AGMO: variants seen among roughly 807,000 people sequenced by gnomAD.
The protein encoded by AGMO is glyceryl-ether monooxygenase.
AGMO carries 75 observed loss-of-function variants against 60.2 expected under a neutral mutation model. That is an observed-to-expected ratio of 1.25 (90% CI 1.03 to 1.51). AGMO has a LOEUF of 1.51. AGMO is among the 40% of genes most tolerant of loss of function. The pLI is 0.00. For missense variants in AGMO, 763 were observed against 525.5 expected (o/e 1.45, Z -4.42); for synonymous variants, 261 against 177.1 (o/e 1.47, Z -3.76).
At chr7:15,431,790 T>C (rs1159623923) in intron 3 of AGMO, among the ~76,000 whole-genome samples, 1 of 151,804 alleles carries the variant, frequency 6.6e-6, no homozygotes, top group African/African-American at 2.4e-5. Flanking sequence ...AAAATGATTG[T>C]TGTTTATTTT....
chr7:15,154,623 T>A, the AGMO span, among the ~76,000 whole-genome samples: 2 of 152,214 alleles, frequency 1.3e-5, no homozygotes, highest in Admixed American at 1.3e-4. Context: ...TCTTGATATG[T>A]GAAGATTTGA....
chr7:15,353,160 G>A (rs962696362), intron 12 of AGMO, among the ~76,000 whole-genome samples: 2 of 152,138 alleles, frequency 1.3e-5, no homozygotes, highest in Admixed American at 1.3e-4. Context: ...TAACTTCTTA[G>A]GAGTAAATGA....
At chr7:15,456,863 G>C (rs1229918046) in intron 3 of AGMO, among the ~76,000 whole-genome samples, 2 of 152,110 alleles carry the variant, frequency 1.3e-5, no homozygotes, top group East Asian at 3.9e-4. Context: ...AGCTTTCAAA[G>C]TTTTGTTGCA....
intron 12 of AGMO, among the ~76,000 whole-genome samples, chr7:15,211,062 G>GA (rs200743957): frequency 0.026 from 3,885 of 150,514 alleles, 139 homozygotes; most frequent in African/African-American, 0.085. Context: ...TAAAACAAAA[G>GA]AAAAAAAAAC....
chr7:15,412,742 G>A (rs983184065), intron 5 of AGMO, among the ~76,000 whole-genome samples: 4 of 145,272 alleles, frequency 2.8e-5, no homozygotes, highest in Non-Finnish European at 4.5e-5. Flanking sequence ...GATCACCAAG[G>A]ATAAGGAATA....
chr7:15,347,285 A>G (rs937377969), intron 12 of AGMO, among the ~76,000 whole-genome samples: 1 of 152,098 alleles, frequency 6.6e-6, no homozygotes, highest in Non-Finnish European at 1.5e-5. Flanking sequence ...ACTGGCCAAC[A>G]AACTTAACCT....
At chr7:15,394,034 G>T in intron 6 of AGMO, 79 bp downstream of exon 6, 2 of 1,019,696 alleles carry the variant, frequency 2.0e-6, no homozygotes, top group Non-Finnish European at 3.0e-6. Flanking sequence ...GGGAAATTGT[G>T]ATTAAATGAG....
intron 3 of AGMO, among the ~76,000 whole-genome samples, chr7:15,517,543 T>G (rs994323476): frequency 3.3e-5 from 5 of 151,274 alleles, no homozygotes; most frequent in Admixed American, 2.6e-4. Context: ...GGGCATCGCC[T>G]CACCCGGGAA....
At chr7:15,457,932 A>C (rs567322894) in intron 3 of AGMO, among the ~76,000 whole-genome samples, 1 of 152,312 alleles carries the variant, frequency 6.6e-6, no homozygotes, top group African/African-American at 2.4e-5. Flanking sequence ...TTCCAATTAT[A>C]AATTATATGA....
intron 3 of AGMO, among the ~76,000 whole-genome samples, chr7:15,488,314 A>C (rs1782974380): frequency 6.6e-6 from 1 of 152,208 alleles, no homozygotes; most frequent in South Asian, 2.1e-4. Flanking sequence ...TCTACTCATT[A>C]ATCATTCACA....
chr7:15,417,510 T>C (rs907809488), intron 5 of AGMO, among the ~76,000 whole-genome samples: 15 of 152,164 alleles, frequency 9.9e-5, no homozygotes, highest in African/African-American at 3.1e-4. Flanking sequence ...AAAGCTTCCC[T>C]CCACTGATTT....
chr7:15,332,173 T>C lies in AGMO; in HGVS notation c.1263+33341A>G, dbSNP rs1404067163. ...GCAAAAAATAAACTTACAATCGTGT[T>C]AAGCCAGTAATACTCTGGAGTTTAT... On this transcript the variant is annotated intron_variant, in intron 12 of 12. Coordinates refer to ENST00000342526, the MANE Select transcript of AGMO (RefSeq NM_001004320.2). Among the ~76,000 whole-genome samples, 4 of 152,170 alleles carry C rather than the reference T, an allele frequency of 2.6e-5. No homozygotes were observed. In the East Asian group the frequency reaches 7.7e-4, roughly 29 times the overall value.
intron 2 of AGMO, among the ~76,000 whole-genome samples, chr7:15,549,764 A>G (rs1784892090): frequency 6.6e-6 from 1 of 151,720 alleles, no homozygotes; most frequent in African/African-American, 2.4e-5. Flanking sequence ...TCAACGAGAC[A>G]GAAAGTCAAC....
intron 3 of AGMO, among the ~76,000 whole-genome samples, chr7:15,507,733 A>G (rs1000674404): frequency 5.9e-5 from 9 of 152,134 alleles, no homozygotes. Context: ...ATGTTTTTTA[A>G]ACATTTTTAC....
At chr7:15,420,727 A>C (rs1230904741) in intron 4 of AGMO, among the ~76,000 whole-genome samples, 1 of 152,162 alleles carries the variant, frequency 6.6e-6, no homozygotes, top group Admixed American at 6.6e-5. Context: ...TATGGTACTA[A>C]GTTAACTGAA....
chr7:15,170,314 G>C, the AGMO span, among the ~76,000 whole-genome samples: 1 of 152,136 alleles, frequency 6.6e-6, no homozygotes, highest in African/African-American at 2.4e-5. Context: ...TCTGTAGCTT[G>C]TATTTAATAG....
At chr7:15,448,300 A>T (rs1238390540) in intron 3 of AGMO, among the ~76,000 whole-genome samples, 2 of 152,156 alleles carry the variant, frequency 1.3e-5, no homozygotes, top group Non-Finnish European at 2.9e-5. Context: ...GTGCCCTTCT[A>T]AAAGAGACTC....
At chr7:15,552,506 T>C (rs376413922) in intron 2 of AGMO, among the ~76,000 whole-genome samples, 14 of 148,912 alleles carry the variant, frequency 9.4e-5, no homozygotes, top group African/African-American at 2.5e-4. Flanking sequence ...AAAAAGTGGG[T>C]GAAGGACATG....
chr7:15,189,485 A>G, the AGMO span, among the ~76,000 whole-genome samples: 1 of 152,160 alleles, frequency 6.6e-6, no homozygotes, highest in East Asian at 1.9e-4. Context: ...TAGAACTGGT[A>G]TCTTTTAACT....
Sources: allele counts gnomAD v4.1 joint callset (sites outside exome capture counted in the v4.1 genomes callset), GRCh38; gene constraint gnomAD v4.1.1; transcripts MANE v1.5; gene names NCBI Gene and HGNC (gene_info 2026-07-23, HGNC 2026-07-21).